STX19: variants seen among roughly 807,000 people sequenced by gnomAD.
STX19 encodes syntaxin-19.
In STX19, 26 loss-of-function variants were observed where a neutral mutation model predicts 24.3. That is an observed-to-expected ratio of 1.07 (90% CI 0.78 to 1.48). STX19 has a LOEUF of 1.48. Ranked by LOEUF, STX19 falls within the 40% of genes most tolerant of loss-of-function variation. The probability of loss-of-function intolerance (pLI) is 0.00; values close to 1 mark genes in which losing one functional copy is unlikely to be tolerated. For synonymous variants in STX19, 116 were observed against 106.9 expected, an observed-to-expected ratio of 1.09 and a Z score of -0.52; for missense variants, 367 against 331.9, an observed-to-expected ratio of 1.11 and a Z score of -0.82.
intron 1 of STX19, among the ~76,000 whole-genome samples, chr3:94,017,243 T>A (rs896650877): frequency 3.3e-5 from 5 of 152,180 alleles, no homozygotes; most frequent in Non-Finnish European, 7.3e-5. Context: ...AGCTGTCTTC[T>A]AAACAAAGGT....
Position 94,014,598 on chromosome 3 carries a change from G to T in STX19, c.672C>A (p.Asn224Lys). ...AAAGATCCCTTAAATCCTTTATTTG[G>T]TTCTCCAAATTAACAAGTTCCTTGT... ...QRHKELVNLE[N>K]QIKDLRDLFI... Residue 224 changes from asparagine (N) to lysine (K), a missense_variant, in exon 2 of 2, where the codon AAC (asparagine) becomes AAA (lysine). By Grantham distance (94) the Asn-to-Lys change is moderately conservative. Coordinates refer to ENST00000315099, the MANE Select transcript of STX19 (RefSeq NM_001001850.3). 1.9e-6 allele frequency: 3 copies of T among 1,612,786 alleles called. No homozygotes were observed. The highest frequency in any genetic ancestry group is 2.5e-6 in the Non-Finnish European group (3 of 1,179,800).
In STX19 at chr3:94,015,116, G is replaced by T; in HGVS notation, c.154C>A (p.His52Asn). 6.2e-7 allele frequency: 1 copy of T among 1,613,906 alleles called. No individual in the cohort carries two copies. The change falls in exon 2 of 2, where the codon CAT (histidine) becomes AAT (asparagine). Residue 52 changes from histidine (H) to asparagine (N), a missense_variant. By Grantham distance (68) the His-to-Asn change is moderately conservative. Transcript: ENST00000315099. ...EREPVAERHL[H>N]EIQKLQESIN... The stretch of plus-strand genomic sequence containing the variant: ...CTTTCCTGTAGTTTTTGGATTTCAT[G>T]TAGGTGTCTCTCAGCTACAGGCTCT...
chr3:94,027,589 C>T (rs2076584289), intron 1 of STX19, among the ~76,000 whole-genome samples: 1 of 151,876 alleles, frequency 6.6e-6, no homozygotes, highest in Non-Finnish European at 1.5e-5. Context: ...CTCAAGTCCA[C>T]CTTTAAAATA....
chr3:94,019,852 T>A (rs1403668232), intron 1 of STX19, among the ~76,000 whole-genome samples: 5 of 152,220 alleles, frequency 3.3e-5, no homozygotes, highest in Admixed American at 2.6e-4. Context: ...GCCTTGGCAC[T>A]TGCCTTCTCT....
chr3:94,026,943 G>A (rs892382149), intron 1 of STX19, among the ~76,000 whole-genome samples: 6 of 152,120 alleles, frequency 3.9e-5, no homozygotes, highest in East Asian at 3.9e-4. Flanking sequence ...AAACTGGTGC[G>A]ACTCAAATAA....
In STX19 at chr3:94,024,654, C is replaced by T. The variant is rs372530658; in HGVS notation, c.-14+3713G>A. On this transcript the variant is annotated intron_variant, in intron 1 of 1. Transcript: ENST00000315099. ...AGGCTAGAGTATAGTGGCTCAATTGCGGCTCACTGCAGCCTCTACCTCCCA... is the reference window on the plus strand; with the variant it reads ...AGGCTAGAGTATAGTGGCTCAATTGTGGCTCACTGCAGCCTCTACCTCCCA... 2.1e-3 allele frequency among the ~76,000 whole-genome samples: 319 copies of T among 152,250 alleles called. No homozygotes were observed. The Middle Eastern group carries it at 0.024, about 11-fold the overall frequency.
intron 1 of STX19, among the ~76,000 whole-genome samples, chr3:94,017,707 G>A (rs760344517): frequency 4.6e-5 from 7 of 152,166 alleles, no homozygotes; most frequent in Non-Finnish European, 1.0e-4. Flanking sequence ...ACAATAATCA[G>A]GCAGGGTCTC....
chr3:94,019,605 G>T (rs1337923525), intron 1 of STX19, among the ~76,000 whole-genome samples: 1 of 142,932 alleles, frequency 7.0e-6, no homozygotes, highest in African/African-American at 2.6e-5. Context: ...AAAACCTCTG[G>T]TCTTTTCTTA....
rs1445621267 is a variant in STX19 at position 94,014,705 on chromosome 3, C to T, written c.565G>A (p.Gly189Arg). ...EEDVNDMLHQGKWEVFNESLL... is the reference protein window; with the variant it reads ...EEDVNDMLHQRKWEVFNESLL... ...CTTTCATTAAAAACTTCCCATTTTC[C>T]TTGATGAAGCATATCATTTACATCT... is the stretch of plus-strand genomic sequence containing the variant. Residue 189 changes from glycine to arginine, a missense_variant, in exon 2 of 2, where the codon GGA becomes AGA. Physicochemically the swap from Gly to Arg is moderately radical, Grantham distance 125. Transcript: ENST00000315099. 1 of 1,612,578 alleles carries T rather than the reference C, an allele frequency of 6.2e-7. No individual in the cohort carries two copies.
In STX19 at chr3:94,025,605, A is replaced by C. The variant is rs962454982; in HGVS notation, c.-14+2762T>G. Among the ~76,000 whole-genome samples the C allele has an allele frequency of 3.3e-5, 5 of 152,160 alleles. No homozygotes were observed. In the South Asian group the frequency reaches 1.0e-3, roughly 31 times the overall value. ...TGAAATTCGTCAGTAGCCTAGCTTC[A>C]TTGGGGAGTTATACAAGAATGCTCT... On this transcript the variant is annotated intron_variant, in intron 1 of 1. Coordinates refer to ENST00000315099, the MANE Select transcript of STX19 (RefSeq NM_001001850.3).
chr3:94,018,296 A>G (rs2106974323), intron 1 of STX19, among the ~76,000 whole-genome samples: 1 of 152,262 alleles, frequency 6.6e-6, no homozygotes, highest in African/African-American at 2.4e-5. Context: ...TTAATGATAG[A>G]GATGGAGTAA....
intron 1 of STX19, 59 bp from the exon 2 acceptor site, chr3:94,015,341 C>T: frequency 7.7e-7 from 1 of 1,306,734 alleles, no homozygotes; most frequent in Non-Finnish European, 1.0e-6. Context: ...TCCCCAGTAG[C>T]AGTTGACTTC....
chr3:94,026,264 G>T (rs968965554), intron 1 of STX19, among the ~76,000 whole-genome samples: 14 of 152,156 alleles, frequency 9.2e-5, no homozygotes, highest in African/African-American at 3.4e-4. Context: ...CTAAAATTTA[G>T]TGATGTTGTT....
chr3:94,019,911 C>G (rs1291224780), intron 1 of STX19, among the ~76,000 whole-genome samples: 2 of 152,194 alleles, frequency 1.3e-5, no homozygotes, highest in Non-Finnish European at 2.9e-5. Flanking sequence ...TTTTCCCCAA[C>G]CCAGTCCTTA....
chr3:94,015,795 T>C (rs903863828), intron 1 of STX19, among the ~76,000 whole-genome samples: 2 of 152,158 alleles, frequency 1.3e-5, no homozygotes, highest in Non-Finnish European at 2.9e-5. Context: ...ATGGATAATA[T>C]TGAATTTATT....
chr3:94,027,090 C>T (rs759363235), intron 1 of STX19, among the ~76,000 whole-genome samples: 19 of 152,102 alleles, frequency 1.2e-4, no homozygotes, highest in Admixed American at 3.3e-4. Context: ...TAGGCCATTT[C>T]TTTTCATAGT....
At chr3:94,027,452 T>C (rs765287803) in intron 1 of STX19, among the ~76,000 whole-genome samples, 1 of 152,124 alleles carries the variant, frequency 6.6e-6, no homozygotes, top group Non-Finnish European at 1.5e-5. Context: ...TTTGTTTAAA[T>C]ATGATGTATA....
At chr3:94,018,432 C>G (rs1444181728) in intron 1 of STX19, among the ~76,000 whole-genome samples, 1 of 151,834 alleles carries the variant, frequency 6.6e-6, no homozygotes, top group Non-Finnish European at 1.5e-5. Context: ...TGTTTTTTTT[C>G]TCTTACCTTT....
chr3:94,015,298 T>G lies in STX19; in HGVS notation c.-13-16A>C. 2 of 1,499,526 alleles carry G rather than the reference T, an allele frequency of 1.3e-6. No individual in the cohort carries two copies. The highest frequency in any genetic ancestry group is 1.8e-6 in the Non-Finnish European group (2 of 1,131,928). The allele number at this position is 1,499,526 out of a possible 1,614,324, so 92.9% of individuals were successfully genotyped here. A position where few individuals can be genotyped will look rare whatever the true frequency, so the allele number is the denominator to read the frequency against. ...CCCTTTCCTCCTAAGAAGCAAAAAT[T>G]TTTGTGTTGAACAAGTAGAAATTTG... is the stretch of plus-strand genomic sequence containing the variant. On this transcript the variant is annotated splice_polypyrimidine_tract_variant and intron_variant, in intron 1 of 1. Transcript: ENST00000315099.
Sources: gnomAD v4.1 joint callset for allele counts (sites outside exome capture counted in the v4.1 genomes callset) on GRCh38, gnomAD v4.1.1 for gene constraint, MANE v1.5 for transcripts, NCBI Gene and HGNC (gene_info 2026-07-23, HGNC 2026-07-21) for gene names.